Variants in SLC17A5 observed in about 807,000 individuals in gnomAD.
SLC17A5 encodes sialin.
SLC17A5 carries 47 observed loss-of-function variants against 59.4 expected under a neutral mutation model. That is an observed-to-expected ratio of 0.79 (90% CI 0.63 to 1.01). SLC17A5 has a LOEUF of 1.01. Among genes scored for constraint, SLC17A5 ranks in the 50% least tolerant of loss-of-function variants. The pLI, the probability that SLC17A5 is intolerant of heterozygous loss-of-function variation, is 0.00. For missense variants in SLC17A5, 522 were observed against 595.5 expected (o/e 0.88, Z 1.28); for synonymous variants, 202 against 210.7 (o/e 0.96, Z 0.36).
At chr6:73,615,018 G>A (rs577889447) in intron 8 of SLC17A5, among the ~76,000 whole-genome samples, 85 of 152,272 alleles carry the variant, frequency 5.6e-4, no homozygotes, top group Non-Finnish European at 1.1e-3. Flanking sequence ...ATTGGTATCC[G>A]AAGTAGGGGG....
rs1341837566 is a variant in SLC17A5, at chr6:73,595,228, CA to C, written c.1351-15del. 59 of 1,613,452 alleles carry C rather than the reference CA, an allele frequency of 3.7e-5. No individual in the cohort carries two copies. Among genetic ancestry groups the C allele is most frequent in the Non-Finnish European group, 4.7e-5 (56 of 1,179,826 alleles). ...TCCAACAGTGTTCTATAAAGGAAGACAAAAAATGCAAGTGAAATAAAATTTT... is the reference window on the plus strand; with the variant it reads ...TCCAACAGTGTTCTATAAAGGAAGACAAAAATGCAAGTGAAATAAAATTTT... On this transcript the variant is annotated splice_polypyrimidine_tract_variant and intron_variant, in intron 10 of 10. Transcript: ENST00000355773.
At chr6:73,614,787 T>C (rs1767783682) in intron 8 of SLC17A5, among the ~76,000 whole-genome samples, 1 of 152,242 alleles carries the variant, frequency 6.6e-6, no homozygotes, top group African/African-American at 2.4e-5. Flanking sequence ...GAAAACTCCC[T>C]ACCCGGTCCC....
chr6:73,603,055 A>AT (rs979955438), intron 9 of SLC17A5, among the ~76,000 whole-genome samples: 4 of 151,956 alleles, frequency 2.6e-5, no homozygotes, highest in Non-Finnish European at 5.9e-5. Flanking sequence ...TAAATATCCT[A>AT]TTTTTTTCTG....
At chr6:73,649,402 C>G (rs1425067651) in intron 1 of SLC17A5, among the ~76,000 whole-genome samples, 1 of 152,060 alleles carries the variant, frequency 6.6e-6, no homozygotes, top group African/African-American at 2.4e-5. Flanking sequence ...CCCAGGAGTT[C>G]AAGACCAGCC....
chr6:73,642,799 T>C (rs1267841443), intron 2 of SLC17A5, among the ~76,000 whole-genome samples: 1 of 152,174 alleles, frequency 6.6e-6, no homozygotes, highest in Non-Finnish European at 1.5e-5. Flanking sequence ...AGTAGCAGGG[T>C]CAACAAAAGC....
At chr6:73,603,043 C>T (rs1475843771) in intron 9 of SLC17A5, among the ~76,000 whole-genome samples, 2 of 152,124 alleles carry the variant, frequency 1.3e-5, no homozygotes, top group African/African-American at 4.8e-5. Context: ...TTAACATTTT[C>T]ATAAATATCC....
intron 6 of SLC17A5, among the ~76,000 whole-genome samples, chr6:73,632,291 C>CAA (rs71000140): frequency 0.034 from 2,130 of 63,380 alleles, 136 homozygotes; most frequent in African/African-American, 0.12. Context: ...GAGCTAGACT[C>CAA]AAAAAAAAAA....
chr6:73,653,699 C>A (rs996835044), intron 1 of SLC17A5, 94 bp downstream of exon 1: 115 of 1,295,048 alleles, frequency 8.9e-5, no homozygotes, highest in Non-Finnish European at 1.1e-4. Flanking sequence ...GTCCCGCCGG[C>A]GCAGGGTGCG....
In SLC17A5 at chr6:73,653,932, G is replaced by T; in HGVS notation, c.-46C>A. The stretch of plus-strand genomic sequence containing the variant: ...TACTCGCCACCTGGCAGAGAAGGGA[G>T]CGCCGGCCCGACAGCCCGAAGCCCC... On this transcript the variant is annotated 5_prime_UTR_variant, in exon 1 of 11. Transcript: ENST00000355773. 6.6e-7 allele frequency: 1 copy of T among 1,519,500 alleles called. No individual in the cohort carries two copies. Among genetic ancestry groups the T allele is most frequent in the Non-Finnish European group, 8.9e-7 (1 of 1,117,604 alleles). 94.1% of individuals were successfully genotyped at this position (1,519,500 alleles called of 1,614,324 possible). A position where few individuals can be genotyped will look rare whatever the true frequency, so the allele number is the denominator to read the frequency against.
chr6:73,636,659 C>G lies in SLC17A5; in HGVS notation c.662G>C (p.Cys221Ser). ...GACATAAGTCCAATTCATATAGTAG[C>G]AAATTATTCCAGAAAGAGGAAGAGA... ...VISLPLSGIICYYMNWTYVFY... is the reference protein window; with the variant it reads ...VISLPLSGIISYYMNWTYVFY... Residue 221 changes from cysteine to serine, a missense_variant, in exon 5 of 11, where the codon TGC becomes TCC. Physicochemically the swap from Cys to Ser is moderately radical, Grantham distance 112. This residue lies in a region of SLC17A5 where 338 missense variants were observed against 363.8 expected (regional missense o/e 0.93). Transcript: ENST00000355773. 6.2e-7 allele frequency: 1 copy of G among 1,611,590 alleles called. No individual in the cohort carries two copies. Among genetic ancestry groups the G allele is most frequent in the Non-Finnish European group, 8.5e-7 (1 of 1,177,746 alleles).
At chr6:73,637,187 G>GT (rs1330732924) in intron 4 of SLC17A5, among the ~76,000 whole-genome samples, 1 of 152,154 alleles carries the variant, frequency 6.6e-6, no homozygotes, top group Non-Finnish European at 1.5e-5. Flanking sequence ...AAAGCAGAGA[G>GT]TAGGCTTGGG....
At chr6:73,648,300 G>C (rs965087863) in intron 1 of SLC17A5, among the ~76,000 whole-genome samples, 5 of 152,010 alleles carry the variant, frequency 3.3e-5, no homozygotes, top group Admixed American at 3.3e-4. Context: ...GCATGACCAA[G>C]AGAGAGAACA....
At chr6:73,601,959 C>G (rs901474193) in intron 9 of SLC17A5, among the ~76,000 whole-genome samples, 2 of 151,890 alleles carry the variant, frequency 1.3e-5, no homozygotes, top group Non-Finnish European at 2.9e-5. Context: ...TCATTGAGAA[C>G]GGGCTGGGAT....
At chr6:73,610,771 A>C (rs1488646842) in intron 8 of SLC17A5, among the ~76,000 whole-genome samples, 1 of 152,222 alleles carries the variant, frequency 6.6e-6, no homozygotes, top group Non-Finnish European at 1.5e-5. Context: ...AATGTTATTA[A>C]ATCTACATGT....
intron 4 of SLC17A5, among the ~76,000 whole-genome samples, chr6:73,638,111 CCA>C (rs1297281622): frequency 6.7e-6 from 1 of 150,362 alleles, no homozygotes; most frequent in African/African-American, 2.4e-5. Context: ...TTTAAAACCC[CCA>C]AAAAAGTAAA....
At chr6:73,648,562 C>T (rs653153) in intron 1 of SLC17A5, among the ~76,000 whole-genome samples, 2 of 152,130 alleles carry the variant, frequency 1.3e-5, no homozygotes, top group African/African-American at 4.8e-5. Flanking sequence ...ATGTAGAGAC[C>T]ACCATCTACC....
intron 7 of SLC17A5, among the ~76,000 whole-genome samples, chr6:73,616,093 C>G (rs1437239341): frequency 6.6e-6 from 1 of 151,982 alleles, no homozygotes; most frequent in East Asian, 1.9e-4. Flanking sequence ...ACCGTCTTGG[C>G]CAGGCTGGTC....
chr6:73,637,036 C>T (rs940531602), intron 4 of SLC17A5, among the ~76,000 whole-genome samples: 1 of 149,074 alleles, frequency 6.7e-6, no homozygotes, highest in Non-Finnish European at 1.5e-5. Flanking sequence ...CAGTGAGGGG[C>T]GATTGTGCCA....
At chr6:73,614,773 G>A (rs1489453552) in intron 8 of SLC17A5, among the ~76,000 whole-genome samples, 3 of 152,166 alleles carry the variant, frequency 2.0e-5, no homozygotes, top group African/African-American at 7.2e-5. Context: ...CCAGGAGAGG[G>A]CATGAAAACT....
Sources: gnomAD v4.1 joint callset for allele counts (sites outside exome capture counted in the v4.1 genomes callset) on GRCh38, gnomAD v4.1.1 for gene constraint, gnomAD v4.1.1 regional missense constraint, MANE v1.5 for transcripts, NCBI Gene and HGNC (gene_info 2026-07-23, HGNC 2026-07-21) for gene names.